CEP192: variants seen among roughly 807,000 people sequenced by gnomAD.
CEP192 encodes the protein centrosomal protein 192, also known as centrosomal protein of 192 kDa.
A neutral mutation model predicts 271.8 loss-of-function variants in CEP192; 151 were observed. The observed-to-expected ratio is 0.56, with a 90% confidence interval of 0.49 to 0.64. The LOEUF (loss-of-function observed/expected upper bound fraction) is 0.64. Ranked by LOEUF, CEP192 falls within the 30% of genes least tolerant of loss-of-function variation. CEP192 has a pLI of 0.00. For synonymous variants in CEP192, 995 were observed against 1,076.5 expected (o/e 0.92, Z 1.48); for missense variants, 2,910 against 3,020.5 (o/e 0.96, Z 0.86).
rs761586482 is a variant in CEP192 at position 13,049,299 on chromosome 18, A to G, written c.2508A>G (p.Ala836=). ...GTGCTACTAGTGTAAGTGTGAGGGCACCAGAAGAAAACACAGCAGCTATTG... is the reference window on the plus strand; with the variant it reads ...GTGCTACTAGTGTAAGTGTGAGGGCGCCAGAAGAAAACACAGCAGCTATTG... ...DLSATSVSVR[A]PEENTAAIVY... Residue 836 remains alanine (A), a synonymous_variant, in exon 16 of 45, where the codon GCA becomes GCG. Coordinates refer to ENST00000506447, the MANE Select transcript of CEP192 (RefSeq NM_032142.4). 5.0e-6 allele frequency: 8 copies of G among 1,614,152 alleles called. No homozygotes were observed. The highest frequency in any genetic ancestry group is 6.8e-6 in the Non-Finnish European group (8 of 1,180,008).
intron 33 of CEP192, among the ~76,000 whole-genome samples, chr18:13,090,663 G>A (rs1420756891): frequency 6.6e-6 from 1 of 152,104 alleles, no homozygotes; most frequent in African/African-American, 2.4e-5. Context: ...ATGACAAAAA[G>A]ACTTCAAATG....
intron 30 of CEP192, among the ~76,000 whole-genome samples, chr18:13,083,166 C>T (rs2038714743): frequency 6.6e-6 from 1 of 152,148 alleles, no homozygotes; most frequent in African/African-American, 2.4e-5. Context: ...GAATGTTGGC[C>T]TGCCTTGCTA....
intron 33 of CEP192, 67 bp from the exon 34 acceptor site, chr18:13,092,310 G>A (rs1355730622): frequency 9.2e-7 from 1 of 1,088,766 alleles, no homozygotes; most frequent in Non-Finnish European, 1.3e-6. Context: ...ATATACAAAT[G>A]TATCTGTTAC....
chr18:12,996,385 C>A (rs1027681772), intron 1 of CEP192, among the ~76,000 whole-genome samples: 95 of 151,722 alleles, frequency 6.3e-4, no homozygotes, highest in African/African-American at 2.2e-3. Context: ...GTGGGGAAGG[C>A]TGAAGGGCAG....
intron 9 of CEP192, among the ~76,000 whole-genome samples, chr18:13,028,087 C>G (rs1030967621): frequency 3.3e-5 from 5 of 152,114 alleles, no homozygotes; most frequent in Non-Finnish European, 7.4e-5. Flanking sequence ...AGAGGAGAAT[C>G]CTTCCTGGTT....
intron 14 of CEP192, 111 bp downstream of exon 14, chr18:13,041,067 T>C: frequency 2.4e-6 from 2 of 837,462 alleles, no homozygotes; most frequent in Non-Finnish European, 3.6e-6. Flanking sequence ...TATAACACTT[T>C]GTAGTTTCTC....
At chr18:13,103,316 G>A (rs1405712436) in intron 38 of CEP192, among the ~76,000 whole-genome samples, 193 bp from the exon 39 acceptor site, 1 of 152,044 alleles carries the variant, frequency 6.6e-6, no homozygotes, top group Non-Finnish European at 1.5e-5. Context: ...CATTATACTT[G>A]TAATAAAACC....
chr18:13,008,366 A>G (rs2034109955), intron 3 of CEP192, 90 bp from the exon 4 acceptor site: 3 of 885,974 alleles, frequency 3.4e-6, no homozygotes, highest in African/African-American at 1.7e-5. Context: ...TCTTTTTAAG[A>G]GGTAAAATAC....
rs148922142 is a variant in CEP192 at position 13,049,473 on chromosome 18, T to C, written c.2682T>C (p.Asp894=). The C allele has an allele frequency of 5.6e-6, 9 of 1,613,988 alleles. No homozygotes were observed. In the African/African-American group the frequency reaches 9.3e-5, roughly 17 times the overall value. The change falls in exon 16 of 45, where the codon GAT becomes GAC. Residue 894 remains aspartate, a synonymous_variant. Coordinates refer to ENST00000506447, the MANE Select transcript of CEP192 (RefSeq NM_032142.4). ...IDNKLQDVGN[D]EKATSISTPS... is the part of the protein sequence containing the mutation. ...ACAAATTACAAGATGTTGGTAACGA[T>C]GAAAAAGCTACCTCAATTTCCACTC...
chr18:13,009,040 T>C (rs2034172306), intron 4 of CEP192, among the ~76,000 whole-genome samples: 1 of 150,118 alleles, frequency 6.7e-6, no homozygotes, highest in Admixed American at 6.6e-5. Flanking sequence ...TTGCTTAATT[T>C]TGAGATGGGT....
At chr18:13,117,059 CA>C (rs35259763) in intron 43 of CEP192, among the ~76,000 whole-genome samples, 238 of 139,816 alleles carry the variant, frequency 1.7e-3, no homozygotes, top group Middle Eastern at 3.7e-3. Context: ...CCATCTCTAC[CA>C]AAAAAAAAAA....
At chr18:13,017,103 A>G in intron 6 of CEP192, 85 bp from the exon 7 acceptor site, 3 of 1,059,750 alleles carry the variant, frequency 2.8e-6, no homozygotes, top group Non-Finnish European at 4.0e-6. Context: ...TGACTCATTT[A>G]TGTCTTATCG....
Position 13,092,360 on chromosome 18 carries a change from A to T in CEP192, c.6104-17A>T, listed in dbSNP as rs771491449. The stretch of plus-strand genomic sequence containing the variant: ...GTGTGAACATTCATGTATTTCAAAC[A>T]TTATTTTCTATTTCAGTATATGATC... On this transcript the variant is annotated splice_polypyrimidine_tract_variant and intron_variant, in intron 33 of 44. Coordinates refer to ENST00000506447, the MANE Select transcript of CEP192 (RefSeq NM_032142.4). The T allele has an allele frequency of 6.5e-7, 1 of 1,536,938 alleles. No homozygotes were observed. The highest frequency in any genetic ancestry group is 8.9e-7 in the Non-Finnish European group (1 of 1,122,426).
intron 21 of CEP192, among the ~76,000 whole-genome samples, chr18:13,064,804 G>A (rs1325975052): frequency 6.6e-6 from 1 of 151,922 alleles, no homozygotes; most frequent in Non-Finnish European, 1.5e-5. Flanking sequence ...GGGATAGCTT[G>A]TCTATTCTAG....
chr18:13,011,667 C>T (rs1283203143), intron 4 of CEP192, among the ~76,000 whole-genome samples: 1 of 152,124 alleles, frequency 6.6e-6, no homozygotes, highest in Non-Finnish European at 1.5e-5. Flanking sequence ...CAGGCATGCA[C>T]CACTACACCC....
At chr18:13,025,956 G>C (rs1335477058) in intron 9 of CEP192, among the ~76,000 whole-genome samples, 1 of 152,062 alleles carries the variant, frequency 6.6e-6, no homozygotes, top group Non-Finnish European at 1.5e-5. Flanking sequence ...TGTCTTTGAT[G>C]CTCTTCCTTT....
Position 13,056,486 on chromosome 18 carries a change from T to C in CEP192, c.3896T>C (p.Val1299Ala). ...TCAGGAGGCCTTCCCTATCCAGCTG[T>C]TGCAGGAGAGCCTGTGCAGAACTCT... Reference protein sequence around the residue: ...GFSGGLPYPAVAGEPVQNSVA... With the variant: ...GFSGGLPYPAAAGEPVQNSVA... The change falls in exon 19 of 45, where the codon GTT becomes GCT. Residue 1299 changes from valine to alanine, a missense_variant. By Grantham distance (64) the Val-to-Ala change is moderately conservative. Coordinates refer to ENST00000506447, the MANE Select transcript of CEP192 (RefSeq NM_032142.4). 1 of 1,614,216 alleles carries C rather than the reference T, an allele frequency of 6.2e-7. No homozygotes were observed. The highest frequency in any genetic ancestry group is 1.1e-5 in the South Asian group (1 of 91,080).
rs1242994378 is a variant in CEP192 at position 13,069,849 on chromosome 18, G to A, written c.5167G>A (p.Glu1723Lys). 6 of 1,564,334 alleles carry A rather than the reference G, an allele frequency of 3.8e-6. No homozygotes were observed. Among genetic ancestry groups the A allele is most frequent in the African/African-American group, 1.4e-5 (1 of 73,624 alleles). The change falls in exon 27 of 45, where the codon GAG (glutamate) becomes AAG (lysine). Residue 1723 changes from glutamate to lysine, a missense_variant. Physicochemically the swap from Glu to Lys is moderately conservative, Grantham distance 56. Transcript: ENST00000506447. ...SFTPKDPEAC[E>K]ERILKIFVQP... ...TACTCCAAAGGATCCTGAAGCCTGCGAGGAAAGGTAATATAAAAATGTTAT... is the reference window on the plus strand; with the variant it reads ...TACTCCAAAGGATCCTGAAGCCTGCAAGGAAAGGTAATATAAAAATGTTAT...
At chr18:13,034,526 G>A (rs879257225) in intron 11 of CEP192, among the ~76,000 whole-genome samples, 52 of 151,974 alleles carry the variant, frequency 3.4e-4, no homozygotes, top group Non-Finnish European at 6.6e-4. Flanking sequence ...AGCCTGCCTC[G>A]GCCGGGCGCA....
Sources: allele counts gnomAD v4.1 joint callset (sites outside exome capture counted in the v4.1 genomes callset), GRCh38; gene constraint gnomAD v4.1.1; transcripts MANE v1.5; gene names NCBI Gene and HGNC (gene_info 2026-07-23, HGNC 2026-07-21).